PLCXD3: variants seen among roughly 807,000 people sequenced by gnomAD.
PLCXD3 encodes the protein phosphatidylinositol specific phospholipase C X domain containing 3, also known as PI-PLC X domain-containing protein 3.
Under a neutral mutation model 25.5 loss-of-function variants are expected in PLCXD3, and 19 were observed. That is an observed-to-expected ratio of 0.75 (90% CI 0.52 to 1.09). The LOEUF (loss-of-function observed/expected upper bound fraction) is 1.09, where lower values mean the gene tolerates loss of function less well. PLCXD3 is among the 50% of genes least tolerant of loss of function. The pLI is 0.00. For synonymous variants in PLCXD3, 174 were observed against 137.6 expected, an observed-to-expected ratio of 1.26 and a Z score of -1.85; for missense variants, 411 against 388.1, an observed-to-expected ratio of 1.06 and a Z score of -0.50.
At chr5:41,372,115 G>C (rs778402019) in intron 2 of PLCXD3, among the ~76,000 whole-genome samples, 1 of 151,842 alleles carries the variant, frequency 6.6e-6, no homozygotes, top group Non-Finnish European at 1.5e-5. Context: ...TTTTGTGAGT[G>C]CTAGCTATAC....
intron 2 of PLCXD3, among the ~76,000 whole-genome samples, chr5:41,329,595 T>C (rs1743729740): frequency 1.3e-5 from 2 of 152,140 alleles, no homozygotes; most frequent in South Asian, 2.1e-4. Context: ...AAGTAATTTT[T>C]TACAAAAAAT....
rs141075161 is a variant in PLCXD3, at chr5:41,459,347, G to A, written c.103+51077C>T. On this transcript the variant is annotated intron_variant, in intron 1 of 2. Transcript: ENST00000377801. ...TTTAAAAAATCATCCAAATCAATGT[G>A]GCAGAGTGGCCTGCTTAAAAGCCCT... Among the ~76,000 whole-genome samples the A allele has an allele frequency of 1.8e-3, 275 of 151,848 alleles. 2 individuals carry two copies. Among genetic ancestry groups the A allele is most frequent in the African/African-American group, 6.4e-3 (266 of 41,484 alleles).
chr5:41,404,889 T>C (rs965416392), intron 1 of PLCXD3, among the ~76,000 whole-genome samples: 1 of 152,162 alleles, frequency 6.6e-6, no homozygotes, highest in Non-Finnish European at 1.5e-5. Context: ...GAATGTTCAA[T>C]TCCAGTATCC....
intron 1 of PLCXD3, among the ~76,000 whole-genome samples, chr5:41,423,074 A>C (rs1746866968): frequency 6.6e-6 from 1 of 152,134 alleles, no homozygotes; most frequent in Non-Finnish European, 1.5e-5. Flanking sequence ...GAGGTGATCA[A>C]ATTATTTTTT....
At chr5:41,442,910 C>T (rs957742829) in intron 1 of PLCXD3, among the ~76,000 whole-genome samples, 1 of 151,814 alleles carries the variant, frequency 6.6e-6, no homozygotes, top group African/African-American at 2.4e-5. Flanking sequence ...GACTTTACTC[C>T]AACTTACCCA....
At chr5:41,375,471 G>A (rs181117929) in intron 2 of PLCXD3, among the ~76,000 whole-genome samples, 243 of 152,148 alleles carry the variant, frequency 1.6e-3, no homozygotes, top group Non-Finnish European at 1.5e-3. Context: ...TCAGCTCTAT[G>A]TCCTTGGGCA....
intron 2 of PLCXD3, among the ~76,000 whole-genome samples, chr5:41,363,306 T>A (rs1392276673): frequency 1.3e-5 from 2 of 152,152 alleles, no homozygotes; most frequent in Non-Finnish European, 2.9e-5. Context: ...TAAAGTACAG[T>A]CACTAGCATA....
chr5:41,493,504 G>C (rs1253869861), intron 1 of PLCXD3, among the ~76,000 whole-genome samples: 1 of 152,250 alleles, frequency 6.6e-6, no homozygotes, highest in Non-Finnish European at 1.5e-5. Context: ...GGTTACTGCT[G>C]TCTTTTTGTT....
At chr5:41,323,272 A>T (rs1461021278) in intron 2 of PLCXD3, among the ~76,000 whole-genome samples, 1 of 152,184 alleles carries the variant, frequency 6.6e-6, no homozygotes, top group African/African-American at 2.4e-5. Flanking sequence ...AGTATAAAAA[A>T]AAGTTAGAAA....
At chr5:41,494,560 T>A (rs1748793359) in intron 1 of PLCXD3, among the ~76,000 whole-genome samples, 1 of 152,158 alleles carries the variant, frequency 6.6e-6, no homozygotes, top group African/African-American at 2.4e-5. Context: ...AATACTTAGA[T>A]GGGGAAAGCT....
At chr5:41,328,599 C>G (rs1743700148) in intron 2 of PLCXD3, among the ~76,000 whole-genome samples, 1 of 152,102 alleles carries the variant, frequency 6.6e-6, no homozygotes, top group African/African-American at 2.4e-5. Context: ...CATGTGAGGT[C>G]TCAAAGCCCC....
intron 2 of PLCXD3, among the ~76,000 whole-genome samples, chr5:41,322,971 TA>T (rs57326151): frequency 0.89 from 124,642 of 139,470 alleles, 55,813 homozygotes; most frequent in Non-Finnish European, 0.93. Flanking sequence ...AGACTCTGTC[TA>T]AAAAAAAAAA....
chr5:41,433,600 C>G (rs1436986715), intron 1 of PLCXD3, among the ~76,000 whole-genome samples: 2 of 152,140 alleles, frequency 1.3e-5, no homozygotes, highest in African/African-American at 4.8e-5. Context: ...TGCTCAGGCA[C>G]AGGAGAAATG....
At chr5:41,429,705 G>T (rs1429909448) in intron 1 of PLCXD3, among the ~76,000 whole-genome samples, 1 of 151,954 alleles carries the variant, frequency 6.6e-6, no homozygotes, top group Non-Finnish European at 1.5e-5. Flanking sequence ...AAGAAATATA[G>T]AAATATGATA....
chr5:41,391,018 A>G (rs1049925568), intron 1 of PLCXD3, among the ~76,000 whole-genome samples: 4 of 152,192 alleles, frequency 2.6e-5, no homozygotes, highest in African/African-American at 9.6e-5. Flanking sequence ...AGCATTTAAA[A>G]TAGCCCTAGC....
At chr5:41,329,667 C>T (rs1338663325) in intron 2 of PLCXD3, among the ~76,000 whole-genome samples, 4 of 151,662 alleles carry the variant, frequency 2.6e-5, no homozygotes, top group South Asian at 4.2e-4. Flanking sequence ...TTGAAAGGTG[C>T]CTTTCCTTGT....
intron 1 of PLCXD3, among the ~76,000 whole-genome samples, chr5:41,474,622 TTCTC>T (rs1162917137): frequency 1.3e-5 from 2 of 152,178 alleles, no homozygotes; most frequent in Non-Finnish European, 2.9e-5. Context: ...AAATCCCTGA[TTCTC>T]TCACTTCTCC....
At chr5:41,316,712 A>G (rs180974365) in intron 2 of PLCXD3, among the ~76,000 whole-genome samples, 2 of 152,298 alleles carry the variant, frequency 1.3e-5, no homozygotes, top group Admixed American at 1.3e-4. Flanking sequence ...CATCAGTGGT[A>G]GTCTGGAAGT....
At chr5:41,481,273 A>C (rs1748410127) in intron 1 of PLCXD3, among the ~76,000 whole-genome samples, 1 of 152,190 alleles carries the variant, frequency 6.6e-6, no homozygotes, top group Admixed American at 6.5e-5. Flanking sequence ...TGTTATAAGT[A>C]TTAGAGTTAA....
Sources: gnomAD v4.1 joint callset for allele counts (sites outside exome capture counted in the v4.1 genomes callset) on GRCh38, gnomAD v4.1.1 for gene constraint, MANE v1.5 for transcripts, NCBI Gene and HGNC (gene_info 2026-07-23, HGNC 2026-07-21) for gene names.